Variants in MAGI1 observed in about 807,000 individuals in gnomAD.
MAGI1 encodes membrane-associated guanylate kinase, WW and PDZ domain-containing protein 1.
In MAGI1, 58 loss-of-function variants were observed where a neutral mutation model predicts 139.9. The observed-to-expected ratio is 0.41, with a 90% CI of 0.34 to 0.52. The LOEUF (loss-of-function observed/expected upper bound fraction) is 0.52, where lower values mean the gene tolerates loss of function less well. MAGI1 is among the 20% of genes least tolerant of loss of function. The probability of loss-of-function intolerance (pLI) is 0.12; values close to 1 mark genes in which losing one functional copy is unlikely to be tolerated. For missense variants in MAGI1, 1,874 were observed against 1,901.6 expected, an observed-to-expected ratio of 0.99 and a Z score of 0.27; for synonymous variants, 812 against 737.9, an observed-to-expected ratio of 1.10 and a Z score of -1.63.
Position 65,850,838 on chromosome 3 carries a change from G to A in MAGI1, c.313+187158C>T, listed in dbSNP as rs191690602. ...AAATATGCCTCAAGCACGGCGTGGTGGCTCACACCTGTAATTCCAGCACTT... is the reference window on the plus strand; with the variant it reads ...AAATATGCCTCAAGCACGGCGTGGTAGCTCACACCTGTAATTCCAGCACTT... On this transcript the variant is annotated intron_variant, in intron 1 of 22. Coordinates refer to ENST00000402939, the MANE Select transcript of MAGI1 (RefSeq NM_001033057.2). 4.6e-4 allele frequency among the ~76,000 whole-genome samples: 70 copies of A among 152,272 alleles called. 1 individual carries two copies. In the South Asian group the frequency reaches 6.8e-3, roughly 15 times the overall value.
intron 1 of MAGI1, among the ~76,000 whole-genome samples, chr3:65,959,673 C>T (rs1334398786): frequency 2.0e-5 from 3 of 147,538 alleles, no homozygotes; most frequent in Admixed American, 1.4e-4. Flanking sequence ...CTATGTTTCC[C>T]AGGCTGGTCT....
At chr3:65,599,843 G>A (rs998667226) in intron 2 of MAGI1, among the ~76,000 whole-genome samples, 4 of 151,978 alleles carry the variant, frequency 2.6e-5, no homozygotes, top group East Asian at 1.9e-4. Flanking sequence ...AGAAAAAAGC[G>A]AGTAAGATGT....
At chr3:65,516,367 A>G (rs1386988360) in intron 2 of MAGI1, among the ~76,000 whole-genome samples, 1 of 152,008 alleles carries the variant, frequency 6.6e-6, no homozygotes, top group Non-Finnish European at 1.5e-5. Flanking sequence ...TTTAGTAGAG[A>G]TAGGGTTTCA....
At chr3:66,028,189 C>T (rs2068398165) in intron 1 of MAGI1, among the ~76,000 whole-genome samples, 2 of 152,032 alleles carry the variant, frequency 1.3e-5, no homozygotes, top group African/African-American at 4.8e-5. Context: ...GCAGTCCCAG[C>T]CACTCAGGAG....
intron 1 of MAGI1, among the ~76,000 whole-genome samples, chr3:65,968,626 G>A (rs1034574488): frequency 1.3e-5 from 2 of 151,022 alleles, no homozygotes; most frequent in Admixed American, 6.6e-5. Flanking sequence ...TTTTAAAGGC[G>A]AGCAAGAGAA....
At chr3:65,436,790 G>A (rs1480928687) in intron 10 of MAGI1, among the ~76,000 whole-genome samples, 1 of 152,002 alleles carries the variant, frequency 6.6e-6, no homozygotes, top group Non-Finnish European at 1.5e-5. Context: ...GAGGTGGGCT[G>A]TGTGCTACTG....
At chr3:65,532,069 A>G (rs1274418171) in intron 2 of MAGI1, among the ~76,000 whole-genome samples, 1 of 152,148 alleles carries the variant, frequency 6.6e-6, no homozygotes, top group Non-Finnish European at 1.5e-5. Flanking sequence ...TTCCAATCAT[A>G]TCTCTGTTCC....
chr3:65,791,517 G>T (rs1419692700), intron 1 of MAGI1, among the ~76,000 whole-genome samples: 2 of 152,140 alleles, frequency 1.3e-5, no homozygotes, highest in African/African-American at 4.8e-5. Flanking sequence ...ATACTGGAGG[G>T]TATACAGTTA....
At chr3:65,983,316 A>T (rs2065687564) in intron 1 of MAGI1, among the ~76,000 whole-genome samples, 1 of 152,200 alleles carries the variant, frequency 6.6e-6, no homozygotes, top group African/African-American at 2.4e-5. Context: ...AATGTTTAGT[A>T]GTGCTCTCCT....
intron 1 of MAGI1, among the ~76,000 whole-genome samples, chr3:65,725,658 C>T (rs930815364): frequency 6.6e-6 from 1 of 152,186 alleles, no homozygotes; most frequent in Non-Finnish European, 1.5e-5. Flanking sequence ...TGAGTGTCAC[C>T]AAGCTAACAA....
intron 18 of MAGI1, chr3:65,371,830 G>T: frequency 2.6e-6 from 1 of 382,406 alleles, no homozygotes; most frequent in Admixed American, 3.0e-5. Flanking sequence ...CTCCTCATCT[G>T]TTCAAGTTTT....
intron 2 of MAGI1, among the ~76,000 whole-genome samples, chr3:65,539,846 C>T (rs530034428): frequency 1.3e-5 from 2 of 152,326 alleles, no homozygotes; most frequent in South Asian, 2.1e-4. Flanking sequence ...AGTGCATTTT[C>T]CTTCTTAGCC....
intron 3 of MAGI1, among the ~76,000 whole-genome samples, chr3:65,489,180 A>C (rs1418768763): frequency 1.3e-5 from 2 of 152,192 alleles, no homozygotes. Flanking sequence ...AGGAAGATTA[A>C]ATGAATTTGT....
chr3:65,864,897 A>C (rs1055492516), intron 1 of MAGI1, among the ~76,000 whole-genome samples: 2 of 152,206 alleles, frequency 1.3e-5, no homozygotes, highest in East Asian at 3.9e-4. Context: ...ATAAAGAAAG[A>C]TATGCAAATG....
intron 1 of MAGI1, among the ~76,000 whole-genome samples, chr3:65,887,731 G>C (rs78248682): frequency 6.6e-6 from 1 of 152,156 alleles, no homozygotes; most frequent in African/African-American, 2.4e-5. Flanking sequence ...AATTTGGATA[G>C]TAAGTCAGTT....
chr3:65,433,320 T>C (rs760554971), intron 10 of MAGI1, among the ~76,000 whole-genome samples: 24 of 152,130 alleles, frequency 1.6e-4, no homozygotes, highest in Non-Finnish European at 2.9e-4. Flanking sequence ...TGGCAGTTTA[T>C]CTACTTAAAA....
chr3:65,573,992 T>A (rs2081071379), intron 2 of MAGI1, among the ~76,000 whole-genome samples: 1 of 151,950 alleles, frequency 6.6e-6, no homozygotes, highest in South Asian at 2.1e-4. Context: ...TTAAATTATT[T>A]ACTATCTGGC....
intron 1 of MAGI1, among the ~76,000 whole-genome samples, chr3:66,037,445 G>C (rs1240702292): frequency 6.6e-6 from 1 of 152,132 alleles, no homozygotes; most frequent in Non-Finnish European, 1.5e-5. Flanking sequence ...CCGGCTGAGG[G>C]GTGAATGCAG....
chr3:65,456,202 A>T (rs915101755), intron 5 of MAGI1, among the ~76,000 whole-genome samples: 1 of 152,208 alleles, frequency 6.6e-6, no homozygotes, highest in Non-Finnish European at 1.5e-5. Context: ...AGCCATCTTA[A>T]TAAGCAAATG....
Sources: gnomAD v4.1 joint callset for allele counts (sites outside exome capture counted in the v4.1 genomes callset) on GRCh38, gnomAD v4.1.1 for gene constraint, MANE v1.5 for transcripts, NCBI Gene and HGNC (gene_info 2026-07-23, HGNC 2026-07-21) for gene names.